Variants in STAM observed in about 807,000 individuals in gnomAD.
STAM encodes signal transducing adaptor molecule, also known as signal transducing adapter molecule 1.
A neutral mutation model predicts 63.4 loss-of-function variants in STAM; 16 were observed. The observed-to-expected ratio is 0.25, with a 90% confidence interval of 0.17 to 0.38. STAM has a LOEUF of 0.38. Ranked by LOEUF, STAM falls within the 10% of genes least tolerant of loss-of-function variation. The probability of loss-of-function intolerance (pLI) is 1.00; values close to 1 mark genes in which losing one functional copy is unlikely to be tolerated. For synonymous variants in STAM, 238 were observed against 223.9 expected (o/e 1.06, Z -0.56); for missense variants, 636 against 657.1 (o/e 0.97, Z 0.35).
At chr10:17,667,900 G>A (rs1834460891) in intron 2 of STAM, among the ~76,000 whole-genome samples, 1 of 152,064 alleles carries the variant, frequency 6.6e-6, no homozygotes, top group African/African-American at 2.4e-5. Context: ...AGCTGGAGCA[G>A]AAGTCAGTTG....
intron 1 of STAM, among the ~76,000 whole-genome samples, chr10:17,659,487 A>G (rs1317231716): frequency 1.0e-5 from 1 of 99,888 alleles, no homozygotes; most frequent in Non-Finnish European, 2.1e-5. Context: ...TTTTTTTTTA[A>G]AGAGATAGGA....
chr10:17,649,128 A>G (rs901549455), intron 1 of STAM, among the ~76,000 whole-genome samples: 4 of 152,222 alleles, frequency 2.6e-5, no homozygotes, highest in Non-Finnish European at 4.4e-5. Flanking sequence ...CTTGGGCTGA[A>G]TGCAGTGGCT....
At chr10:17,713,294 C>T (rs1836642789) in intron 13 of STAM, among the ~76,000 whole-genome samples, 1 of 152,154 alleles carries the variant, frequency 6.6e-6, no homozygotes, top group Non-Finnish European at 1.5e-5. Context: ...CCTCATGAAG[C>T]CCGGTGATTC....
intron 1 of STAM, among the ~76,000 whole-genome samples, chr10:17,649,230 C>T (rs750071377): frequency 2.0e-4 from 30 of 152,034 alleles, no homozygotes; most frequent in Non-Finnish European, 3.4e-4. Flanking sequence ...ATAATGAGAC[C>T]CTGTCTCTAC....
At chr10:17,665,967 CAA>C (rs1390648506) in intron 2 of STAM, among the ~76,000 whole-genome samples, 1 of 152,058 alleles carries the variant, frequency 6.6e-6, no homozygotes, top group African/African-American at 2.4e-5. Flanking sequence ...GTTTAGAAAT[CAA>C]GAGAACTTTC....
In STAM at chr10:17,644,330, C is replaced by T. The variant is rs373821070; in HGVS notation, c.-10C>T. ...GGGAGTCCCCGGGGACACCTCGGCA[C>T]GCAGCGGAGATGCCTCTTTTTGCCA... is the stretch of plus-strand genomic sequence containing the variant. On this transcript the variant is annotated 5_prime_UTR_variant, in exon 1 of 14. It adds an upstream start codon to the 5' untranslated region. Coordinates refer to ENST00000377524, the MANE Select transcript of STAM (RefSeq NM_003473.4). 3.7e-6 allele frequency: 6 copies of T among 1,614,016 alleles called. No individual in the cohort carries two copies. The highest frequency in any genetic ancestry group is 1.3e-5 in the African/African-American group (1 of 74,928).
chr10:17,688,507 G>T (rs939748032), intron 5 of STAM, among the ~76,000 whole-genome samples: 1 of 152,068 alleles, frequency 6.6e-6, no homozygotes, highest in Non-Finnish European at 1.5e-5. Flanking sequence ...TTGTCGCCCT[G>T]GGTAGAGTGC....
chr10:17,708,629 A>G, intron 12 of STAM, 147 bp from the exon 13 acceptor site: 1 of 802,048 alleles, frequency 1.2e-6, no homozygotes, highest in Non-Finnish European at 1.8e-6. Flanking sequence ...GCGTTTTTCA[A>G]AATGCCCGTT....
At chr10:17,645,570 G>A (rs1382772183) in intron 1 of STAM, among the ~76,000 whole-genome samples, 1 of 152,078 alleles carries the variant, frequency 6.6e-6, no homozygotes, top group Non-Finnish European at 1.5e-5. Context: ...TAAATAATAT[G>A]TCTAGAGGGC....
At chr10:17,648,642 T>G (rs575797993) in intron 1 of STAM, among the ~76,000 whole-genome samples, 66 of 152,332 alleles carry the variant, frequency 4.3e-4, no homozygotes, top group Non-Finnish European at 8.2e-4. Context: ...CACCTTTTTC[T>G]GTCTCACCAT....
chr10:17,645,776 G>A (rs9971171), intron 1 of STAM, among the ~76,000 whole-genome samples: 12,736 of 152,184 alleles, frequency 0.084, 676 homozygotes, highest in East Asian at 0.17. Flanking sequence ...TGACATAAGA[G>A]ATACAGTGAT....
chr10:17,703,026 AAG>A (rs550378779), intron 9 of STAM, among the ~76,000 whole-genome samples: 25,274 of 96,474 alleles, frequency 0.26, 2,804 homozygotes, highest in Non-Finnish European at 0.34. Context: ...AAAAAAAAAA[AAG>A]AAAAGAAAAG....
chr10:17,680,432 CT>C (rs1286064181), intron 2 of STAM, among the ~76,000 whole-genome samples: 3 of 112,170 alleles, frequency 2.7e-5, no homozygotes, highest in Admixed American at 9.1e-5. Flanking sequence ...TTTTTTTTTT[CT>C]TTTTTTGGAG....
chr10:17,700,241 A>T lies in STAM; in HGVS notation c.874A>T (p.Thr292Ser), dbSNP rs781822595. The T allele has an allele frequency of 6.2e-7, 1 of 1,610,708 alleles. No individual in the cohort carries two copies. Among genetic ancestry groups the T allele is most frequent in the South Asian group, 1.1e-5 (1 of 90,492 alleles). ...VQFSDDVQVETIEPEPEPAFI... is the reference protein window; with the variant it reads ...VQFSDDVQVESIEPEPEPAFI... ...ATTTAGTGATGATGTTCAGGTAGAG[A>T]CAATAGAACCAGAGCCGGAACCAGC... Residue 292 changes from threonine to serine, a missense_variant, in exon 9 of 14, where the codon ACA becomes TCA. Around this residue, in one of 3 missense-constraint regions of STAM, gnomAD observed 532 missense variants for 536.9 expected, o/e 0.99. Transcript: ENST00000377524.
At chr10:17,656,463 C>T (rs1208314853) in intron 1 of STAM, among the ~76,000 whole-genome samples, 8 of 152,010 alleles carry the variant, frequency 5.3e-5, no homozygotes, top group African/African-American at 1.9e-4. Flanking sequence ...GGAATTCTGC[C>T]TCTCCACTCC....
chr10:17,713,494 A>G (rs1234074804), intron 13 of STAM, among the ~76,000 whole-genome samples: 2 of 152,020 alleles, frequency 1.3e-5, no homozygotes, highest in East Asian at 3.9e-4. Flanking sequence ...TATTACTTTG[A>G]TCTTCCCCAC....
At chr10:17,697,451 C>G (rs1305287451) in intron 8 of STAM, among the ~76,000 whole-genome samples, 1 of 152,160 alleles carries the variant, frequency 6.6e-6, no homozygotes, top group Admixed American at 6.5e-5. Context: ...AGCAACATGT[C>G]AGATATTCAG....
chr10:17,688,173 G>T lies in STAM; in HGVS notation c.444G>T (p.Gln148His). 6.5e-7 allele frequency: 1 copy of T among 1,535,884 alleles called. No homozygotes were observed. Among genetic ancestry groups the T allele is most frequent in the South Asian group, 1.3e-5 (1 of 76,662 alleles). The part of the protein sequence containing the change: ...QGVTFPAIGS[Q>H]AAEQAKASPA... ...TTACGTTCCCAGCTATTGGCTCTCA[G>T]GTATTTTGGGAATGAAGTTGTGTGT... Residue 148 changes from glutamine to histidine, a missense_variant and splice_region_variant, in exon 5 of 14, where the codon CAG becomes CAT. Transcript: ENST00000377524.
Position 17,660,562 on chromosome 10 carries a change from G to A in STAM, c.125+14G>A, listed in dbSNP as rs201795138. On this transcript the variant is annotated intron_variant, in intron 2 of 13. Coordinates refer to ENST00000377524, the MANE Select transcript of STAM (RefSeq NM_003473.4). The stretch of plus-strand genomic sequence containing the variant: ...GTCTCGCACTGGGTAAGTATTTAGC[G>A]TTTCAAAGGATTTTTATTCTTTCTT... The A allele has an allele frequency of 2.4e-5, 37 of 1,561,530 alleles. No homozygotes were observed. The highest frequency in any genetic ancestry group is 9.8e-5 in the Admixed American group (5 of 51,252).
Sources: allele counts gnomAD v4.1 joint callset (sites outside exome capture counted in the v4.1 genomes callset), GRCh38; gene constraint gnomAD v4.1.1; regional missense constraint gnomAD v4.1.1; transcripts MANE v1.5; gene names NCBI Gene and HGNC (gene_info 2026-07-23, HGNC 2026-07-21).